The following RORA variants were observed in gnomAD, a reference collection of about 807,000 sequenced individuals.
RORA encodes nuclear receptor ROR-alpha.
A neutral mutation model predicts 69.5 loss-of-function variants in RORA; 7 were observed. That is an observed-to-expected ratio of 0.10 (90% CI 0.06 to 0.19). The LOEUF is 0.19. Among genes scored for constraint, RORA ranks in the 10% least tolerant of loss-of-function variants. The pLI is 1.00. For synonymous variants in RORA, 261 were observed against 240.8 expected, an observed-to-expected ratio of 1.08 and a Z score of -0.78; for missense variants, 457 against 663.0, an observed-to-expected ratio of 0.69 and a Z score of 3.41.
chr15:61,013,882 C>T (rs145350009), intron 1 of RORA, among the ~76,000 whole-genome samples: 3,657 of 145,994 alleles, frequency 0.025, 162 homozygotes, highest in African/African-American at 0.089. Flanking sequence ...CTCCCGGGTT[C>T]ACGCCATTAT....
chr15:61,050,652 T>A (rs905423222), intron 1 of RORA, among the ~76,000 whole-genome samples: 1 of 152,154 alleles, frequency 6.6e-6, no homozygotes, highest in East Asian at 1.9e-4. Context: ...GAGTAAAACA[T>A]ACACAGGGCG....
rs1488503727 is a variant in RORA, at chr15:60,496,366, T to A, written c.*1089A>T. On this transcript the variant is annotated 3_prime_UTR_variant, in exon 11 of 11. Transcript: ENST00000335670. The surrounding 1 kb of genome is among the most constrained non-coding windows in gnomAD (Gnocchi z 4.5). ...TTCTCAAAGCATAAGAATTCCAAGTTGAGACCGAGTCCATATTTAACTACT... is the reference window on the plus strand; with the variant it reads ...TTCTCAAAGCATAAGAATTCCAAGTAGAGACCGAGTCCATATTTAACTACT... 6.6e-6 allele frequency: 1 copy of A among 152,124 alleles called. No homozygotes were observed. Among genetic ancestry groups the A allele is most frequent in the Non-Finnish European group, 1.5e-5 (1 of 68,026 alleles). 9.4% of individuals were successfully genotyped at this position (152,124 alleles called of 1,614,324 possible).
intron 1 of RORA, among the ~76,000 whole-genome samples, chr15:60,697,736 T>A (rs1596135461): frequency 6.6e-6 from 1 of 152,284 alleles, no homozygotes; most frequent in East Asian, 1.9e-4. Context: ...AATTTCTAAT[T>A]TTTATACTTT....
At chr15:60,944,988 G>A (rs1278785985) in intron 1 of RORA, among the ~76,000 whole-genome samples, 1 of 152,116 alleles carries the variant, frequency 6.6e-6, no homozygotes, top group East Asian at 1.9e-4. Context: ...TGCCCGATAG[G>A]AGCAAAATGA....
At chr15:61,065,301 T>C (rs2078241764) in intron 1 of RORA, among the ~76,000 whole-genome samples, 1 of 152,242 alleles carries the variant, frequency 6.6e-6, no homozygotes, top group South Asian at 2.1e-4. Context: ...GTATCATCTT[T>C]ACATCTGCAG....
intron 1 of RORA, among the ~76,000 whole-genome samples, chr15:60,795,789 C>A (rs899897205): frequency 6.6e-6 from 1 of 152,204 alleles, no homozygotes; most frequent in African/African-American, 2.4e-5. Flanking sequence ...CCATCCCTAC[C>A]AGATGTGACA....
intron 1 of RORA, among the ~76,000 whole-genome samples, chr15:60,969,925 G>A (rs1360161722): frequency 6.6e-6 from 1 of 152,182 alleles, no homozygotes; most frequent in Non-Finnish European, 1.5e-5. Context: ...TGGTCCTGTG[G>A]GTGATGCCTG....
intron 1 of RORA, among the ~76,000 whole-genome samples, chr15:61,036,890 G>A (rs1188588847): frequency 2.0e-5 from 3 of 151,906 alleles, no homozygotes; most frequent in Non-Finnish European, 2.9e-5. Context: ...ACATGTTGGT[G>A]CAGATTTGCT....
At chr15:60,702,382 C>G (rs753688423) in intron 1 of RORA, among the ~76,000 whole-genome samples, 4 of 152,122 alleles carry the variant, frequency 2.6e-5, no homozygotes, top group Non-Finnish European at 5.9e-5. Flanking sequence ...CAGGCACGAG[C>G]CACCATGCCT....
chr15:61,127,899 A>C (rs992791797), intron 1 of RORA, among the ~76,000 whole-genome samples: 2 of 151,876 alleles, frequency 1.3e-5, no homozygotes, highest in African/African-American at 4.8e-5. Flanking sequence ...CAGCCACCGG[A>C]CCCCCACAGT....
intron 2 of RORA, among the ~76,000 whole-genome samples, chr15:60,671,356 A>T (rs965183793): frequency 6.6e-6 from 1 of 152,228 alleles, no homozygotes; most frequent in East Asian, 1.9e-4. Context: ...GCTGTCCTAG[A>T]AGCAGAAGTA....
intron 1 of RORA, among the ~76,000 whole-genome samples, chr15:60,691,557 A>C (rs2140774237): frequency 6.6e-6 from 1 of 152,284 alleles, no homozygotes; most frequent in African/African-American, 2.4e-5. Context: ...AGACAAGAGG[A>C]GCATAGAGGG....
At chr15:61,202,929 G>T (rs2140928399) in intron 1 of RORA, among the ~76,000 whole-genome samples, 1 of 152,236 alleles carries the variant, frequency 6.6e-6, no homozygotes, top group African/African-American at 2.4e-5. Context: ...TACTCAGTGA[G>T]AAAAATAATT....
chr15:60,520,823 C>G (rs1394220385), intron 3 of RORA, among the ~76,000 whole-genome samples: 1 of 152,150 alleles, frequency 6.6e-6, no homozygotes, highest in Non-Finnish European at 1.5e-5. Flanking sequence ...AATTACTTGG[C>G]TGTCATAAAA....
intron 1 of RORA, among the ~76,000 whole-genome samples, chr15:60,874,719 T>C (rs1375278962): frequency 6.6e-6 from 1 of 152,202 alleles, no homozygotes; most frequent in Non-Finnish European, 1.5e-5. Flanking sequence ...AAATTTAGAA[T>C]TGAAAAAGGA....
At chr15:60,903,762 G>A (rs1891455304) in intron 1 of RORA, among the ~76,000 whole-genome samples, 1 of 152,160 alleles carries the variant, frequency 6.6e-6, no homozygotes, top group South Asian at 2.1e-4. Context: ...TTAAAATTAT[G>A]CAAAATCGGA....
In RORA at chr15:60,912,283, T is replaced by TG. The variant is rs539954363; in HGVS notation, c.167-233598dup. On this transcript the variant is annotated intron_variant, in intron 1 of 10. Transcript: ENST00000335670. ...AGAAAGAGAAAAAAATAGCCAGATG[T>TG]GGGGGGGCTGCATCTGTCGTTCTAG... Among the ~76,000 whole-genome samples the TG allele has an allele frequency of 1.1e-4, 16 of 151,744 alleles. No individual in the cohort carries two copies. The East Asian group carries it at 1.8e-3, about 17-fold the overall frequency.
At chr15:60,647,400 G>A (rs1274624980) in intron 2 of RORA, among the ~76,000 whole-genome samples, 1 of 152,162 alleles carries the variant, frequency 6.6e-6, no homozygotes, top group Non-Finnish European at 1.5e-5. Flanking sequence ...CTGGCTTTGC[G>A]GATCCTGGCC....
At chr15:60,744,863 C>G (rs2071625765) in intron 1 of RORA, among the ~76,000 whole-genome samples, 1 of 152,128 alleles carries the variant, frequency 6.6e-6, no homozygotes, top group Non-Finnish European at 1.5e-5. Flanking sequence ...AAACTCAGTC[C>G]TAGGAAACCT....
Sources: gnomAD v4.1 joint callset for allele counts (sites outside exome capture counted in the v4.1 genomes callset) on GRCh38, gnomAD v4.1.1 for gene constraint, Gnocchi (gnomAD v3.1) non-coding constraint, MANE v1.5 for transcripts, NCBI Gene and HGNC (gene_info 2026-07-23, HGNC 2026-07-21) for gene names.